IL1RAPL1: variants seen among roughly 807,000 people sequenced by gnomAD.
IL1RAPL1 encodes the protein interleukin 1 receptor accessory protein like 1, also known as interleukin-1 receptor accessory protein-like 1.
A neutral mutation model predicts 48.4 loss-of-function variants in IL1RAPL1; 3 were observed. The ratio of observed to expected loss-of-function variants is 0.06; its 90% CI spans 0.03 to 0.16. IL1RAPL1 has a LOEUF of 0.16. Among genes scored for constraint, IL1RAPL1 ranks in the 10% least tolerant of loss-of-function variants. The pLI is 1.00. For missense variants in IL1RAPL1, 349 were observed against 530.6 expected, an observed-to-expected ratio of 0.66 and a Z score of 3.36; for synonymous variants, 185 against 187.7, an observed-to-expected ratio of 0.99 and a Z score of 0.12.
In IL1RAPL1 at chrX:28,789,197, T is replaced by G. The variant is rs974266540; in HGVS notation, c.-24-123T>G. 8 of 458,944 alleles carry G rather than the reference T, an allele frequency of 1.7e-5. No individual in the cohort carries two copies. The African/African-American group carries it at 2.0e-4, about 11-fold the overall frequency. The allele number at this position is 458,944 out of a possible 1,213,427, so 37.8% of individuals were successfully genotyped here. A position where few individuals can be genotyped will look rare whatever the true frequency, so the allele number is the denominator to read the frequency against. On this transcript the variant is annotated intron_variant, in intron 1 of 10. Transcript: ENST00000378993. ...GAAAATATAATAGAAATCCTGGTTA[T>G]ATTCTTTCCTTTTGTGTAATTCATT...
chrX:29,016,405 G>A (rs1926241262), intron 2 of IL1RAPL1, among the ~76,000 whole-genome samples: 1 of 110,861 alleles, frequency 9.0e-6, no homozygotes, highest in Admixed American at 9.7e-5. Context: ...TAGTCCAATG[G>A]GATCATATGG....
chrX:29,802,779 ATATGTGTGTGTG>A (rs1192234276), intron 6 of IL1RAPL1, among the ~76,000 whole-genome samples: 17 of 22,358 alleles, frequency 7.6e-4, no homozygotes, highest in African/African-American at 2.6e-3. Context: ...ATATATATAT[ATATGTGTGTGTG>A]TATATATATA....
At chrX:29,447,679 C>T (rs977713815) in intron 5 of IL1RAPL1, among the ~76,000 whole-genome samples, 1 of 111,795 alleles carries the variant, frequency 8.9e-6, no homozygotes, top group East Asian at 2.8e-4. Context: ...CTTATGATGT[C>T]GAAACTTAGA....
At chrX:29,008,569 T>C (rs1926046412) in intron 2 of IL1RAPL1, among the ~76,000 whole-genome samples, 2 of 112,726 alleles carry the variant, frequency 1.8e-5, no homozygotes, top group Non-Finnish European at 3.8e-5. Context: ...TAATATTACA[T>C]TGTACCCAAC....
At chrX:29,856,628 A>G (rs1343937762) in intron 6 of IL1RAPL1, among the ~76,000 whole-genome samples, 1 of 111,914 alleles carries the variant, frequency 8.9e-6, no homozygotes, top group Non-Finnish European at 1.9e-5. Context: ...AGAATTGCAA[A>G]TAAGGATTTG....
intron 2 of IL1RAPL1, among the ~76,000 whole-genome samples, chrX:28,925,269 T>A (rs1400355274): frequency 8.9e-6 from 1 of 111,957 alleles, no homozygotes. Flanking sequence ...AAATGAATAT[T>A]TTAAATTCCC....
chrX:29,371,539 C>T (rs936772893), intron 3 of IL1RAPL1, among the ~76,000 whole-genome samples: 4 of 111,377 alleles, frequency 3.6e-5, no homozygotes, highest in African/African-American at 1.3e-4. Flanking sequence ...ATCCCATCAC[C>T]CAGGTAAGTG....
chrX:28,999,091 A>C (rs1925787376), intron 2 of IL1RAPL1, among the ~76,000 whole-genome samples: 1 of 111,275 alleles, frequency 9.0e-6, no homozygotes, highest in Admixed American at 9.6e-5. Context: ...CTACAACATG[A>C]CATGTTCATA....
At chrX:29,126,243 G>A (rs1014877649) in intron 2 of IL1RAPL1, among the ~76,000 whole-genome samples, 2 of 111,341 alleles carry the variant, frequency 1.8e-5, no homozygotes, top group African/African-American at 6.5e-5. Context: ...TCAAAAATAT[G>A]TTTTCACAGA....
At chrX:29,236,549 T>C (rs1222026405) in intron 2 of IL1RAPL1, among the ~76,000 whole-genome samples, 2 of 20,817 alleles carry the variant, frequency 9.6e-5, no homozygotes, top group African/African-American at 4.4e-4. Context: ...TTTTTTCTTT[T>C]TTTTTTTTTT....
At chrX:28,610,306 C>T (rs1934132277) in intron 1 of IL1RAPL1, among the ~76,000 whole-genome samples, 1 of 112,199 alleles carries the variant, frequency 8.9e-6, no homozygotes, top group Non-Finnish European at 1.9e-5. Flanking sequence ...CCATTCCCCT[C>T]CTGTACCTCG....
At chrX:29,495,648 G>A (rs763680616) in intron 5 of IL1RAPL1, among the ~76,000 whole-genome samples, 2 of 111,336 alleles carry the variant, frequency 1.8e-5, no homozygotes, top group South Asian at 3.8e-4. Flanking sequence ...TGTTTCCCCC[G>A]ACAGTTGTGC....
chrX:28,835,897 A>G (rs1462151762), intron 2 of IL1RAPL1, among the ~76,000 whole-genome samples: 3 of 111,115 alleles, frequency 2.7e-5, no homozygotes, highest in African/African-American at 9.8e-5. Context: ...AATCTTTAAA[A>G]TGTGTTTTTA....
chrX:29,483,710 A>G (rs953441000), intron 5 of IL1RAPL1, among the ~76,000 whole-genome samples: 3 of 107,481 alleles, frequency 2.8e-5, no homozygotes, highest in Non-Finnish European at 5.8e-5. Context: ...TTTTTTTAAG[A>G]CAGGGCCCGG....
At chrX:29,547,631 A>G (rs764198433) in intron 5 of IL1RAPL1, among the ~76,000 whole-genome samples, 7 of 111,686 alleles carry the variant, frequency 6.3e-5, no homozygotes, top group Non-Finnish European at 1.3e-4. Flanking sequence ...CTTCGGTAGC[A>G]TTATCTAAAC....
chrX:29,824,416 TCTCAATC>T (rs1251679454), intron 6 of IL1RAPL1, among the ~76,000 whole-genome samples: 12 of 111,887 alleles, frequency 1.1e-4, no homozygotes, highest in Non-Finnish European at 2.3e-4. Flanking sequence ...AGTTTCATGC[TCTCAATC>T]CTGAGATGTT....
At chrX:28,807,712 A>C (rs1402498428) in intron 2 of IL1RAPL1, among the ~76,000 whole-genome samples, 1 of 111,407 alleles carries the variant, frequency 9.0e-6, no homozygotes, top group African/African-American at 3.3e-5. Flanking sequence ...AAAATATTTA[A>C]ACTTTATAGA....
At chrX:29,422,929 G>A (rs1024628296) in intron 5 of IL1RAPL1, among the ~76,000 whole-genome samples, 2 of 111,672 alleles carry the variant, frequency 1.8e-5, no homozygotes, top group African/African-American at 6.5e-5. Context: ...TGAAATGGAT[G>A]GTTGGATATG....
At chrX:29,730,367 T>G (rs1190651525) in intron 6 of IL1RAPL1, among the ~76,000 whole-genome samples, 1 of 112,465 alleles carries the variant, frequency 8.9e-6, no homozygotes, top group Non-Finnish European at 1.9e-5. Flanking sequence ...CTTCTTGCTG[T>G]GTCTTCTCTT....
Sources: gnomAD v4.1 joint callset for allele counts (sites outside exome capture counted in the v4.1 genomes callset) on GRCh38, gnomAD v4.1.1 for gene constraint, MANE v1.5 for transcripts, NCBI Gene and HGNC (gene_info 2026-07-23, HGNC 2026-07-21) for gene names.